Variants in NUP88 observed in about 807,000 individuals in gnomAD.
NUP88 encodes the protein nuclear pore complex protein Nup88.
NUP88 carries 57 observed loss-of-function variants against 93.9 expected under a neutral mutation model. The ratio of observed to expected loss-of-function variants is 0.61; its 90% CI spans 0.49 to 0.76. NUP88 has a LOEUF of 0.76. Among genes scored for constraint, NUP88 ranks in the 30% least tolerant of loss-of-function variants. The pLI is 0.00. For missense variants in NUP88, 911 were observed against 901.0 expected, an observed-to-expected ratio of 1.01 and a Z score of -0.14; for synonymous variants, 346 against 336.8, an observed-to-expected ratio of 1.03 and a Z score of -0.30.
Position 5,419,642 on chromosome 17 carries a change from G to A in NUP88, c.9C>T (p.Ala3=), listed in dbSNP as rs772937166. The A allele has an allele frequency of 5.7e-6, 9 of 1,589,068 alleles. No individual in the cohort carries two copies. The African/African-American group carries it at 9.4e-5, about 17-fold the overall frequency. MA[A]AEGPVGDGEL... The stretch of plus-strand genomic sequence containing the variant: ...CGCCGTCGCCCACCGGTCCCTCGGC[G>A]GCCGCCATCTTGGCCCAACTGCTCC... The change falls in exon 1 of 17, where the codon GCC becomes GCT. Residue 3 remains alanine (A), a synonymous_variant. Coordinates refer to ENST00000573584, the MANE Select transcript of NUP88 (RefSeq NM_002532.6).
intron 10 of NUP88, 136 bp downstream of exon 10, chr17:5,391,425 C>G: frequency 1.6e-6 from 1 of 644,668 alleles, no homozygotes; most frequent in South Asian, 1.9e-5. Flanking sequence ...AAATATCCAT[C>G]CTTCCAACCC....
chr17:5,407,182 A>G (rs1341495514), intron 5 of NUP88, among the ~76,000 whole-genome samples: 1 of 152,168 alleles, frequency 6.6e-6, no homozygotes, highest in Non-Finnish European at 1.5e-5. Flanking sequence ...TCATCTTTCT[A>G]ATCTTTATGG....
At chr17:5,395,009 AATG>A (rs1299892300) in intron 8 of NUP88, 28 bp from the exon 9 acceptor site, 1 of 1,323,798 alleles carries the variant, frequency 7.6e-7, no homozygotes, top group Admixed American at 1.7e-5. Flanking sequence ...ACATAAATGA[AATG>A]ATGCTTAGAC....
chr17:5,416,206 C>CACACACACAT (rs1914142017), intron 2 of NUP88, among the ~76,000 whole-genome samples: 6 of 144,702 alleles, frequency 4.1e-5, no homozygotes, highest in African/African-American at 1.5e-4. Context: ...CACACACACA[C>CACACACACAT]ATAAAATACT....
chr17:5,419,470 C>T lies in NUP88; in HGVS notation c.181G>A (p.Val61Ile), dbSNP rs1194850315. 2 of 1,614,088 alleles carry T rather than the reference C, an allele frequency of 1.2e-6. No homozygotes were observed. The highest frequency in any genetic ancestry group is 1.1e-5 in the South Asian group (1 of 91,086). ...PPPQLLTRNV[V>I]FGLGGELFLW... ...AAAAGCTCTCCGCCGAGGCCAAAGA[C>T]CACGTTTCTCGTCAGCAACTGCGGC... The change falls in exon 1 of 17, where the codon GTC (valine) becomes ATC (isoleucine). Residue 61 changes from valine (V) to isoleucine (I), a missense_variant. Transcript: ENST00000573584.
chr17:5,405,544 C>T (rs917985192), intron 5 of NUP88, among the ~76,000 whole-genome samples: 2 of 152,098 alleles, frequency 1.3e-5, no homozygotes, highest in East Asian at 1.9e-4. Flanking sequence ...AGACAGAAGC[C>T]GCTAAACATT....
chr17:5,417,173 T>C (rs1914201138), intron 1 of NUP88, among the ~76,000 whole-genome samples: 1 of 152,218 alleles, frequency 6.6e-6, no homozygotes, highest in Middle Eastern at 3.2e-3. Context: ...TTACAACTCA[T>C]GATAAGCTGC....
In NUP88 at chr17:5,386,193, GCTC is replaced by G; in HGVS notation, c.*10_*12del. On this transcript the variant is annotated 3_prime_UTR_variant, in exon 17 of 17. Transcript: ENST00000573584. ...TGGTGTTCAGTTCAGGTGTGAGTCA[GCTC>G]CTGGTGGTGTCAGAAGTTTACATGA... is the stretch of plus-strand genomic sequence containing the variant. The G allele has an allele frequency of 6.2e-7, 1 of 1,608,078 alleles. No individual in the cohort carries two copies.
chr17:5,414,143 A>G lies in NUP88; in HGVS notation c.468-9T>C. 4 of 1,609,972 alleles carry G rather than the reference A, an allele frequency of 2.5e-6. No individual in the cohort carries two copies. Among genetic ancestry groups the G allele is most frequent in the Non-Finnish European group, 2.5e-6 (3 of 1,178,054 alleles). On this transcript the variant is annotated splice_polypyrimidine_tract_variant and intron_variant, in intron 2 of 16. Coordinates refer to ENST00000573584, the MANE Select transcript of NUP88 (RefSeq NM_002532.6). ...CCGCAACTGGAGTGGTACTAAAATAAAGATAATAATTTTCCAAAACATTTT... is the reference window on the plus strand; with the variant it reads ...CCGCAACTGGAGTGGTACTAAAATAGAGATAATAATTTTCCAAAACATTTT...
intron 2 of NUP88, among the ~76,000 whole-genome samples, chr17:5,416,180 T>TATATATATATACACATAC (rs1374990658): frequency 3.7e-5 from 4 of 107,314 alleles, no homozygotes; most frequent in African/African-American, 1.4e-4. Flanking sequence ...TATATATATA[T>TATATATATATACACATAC]ACACACATAC....
rs962531933 is a variant in NUP88 at position 5,385,522 on chromosome 17, G to A, written c.*684C>T. 1 of 230,922 alleles carries A rather than the reference G, an allele frequency of 4.3e-6. No individual in the cohort carries two copies. Among genetic ancestry groups the A allele is most frequent in the Non-Finnish European group, 8.6e-6 (1 of 116,624 alleles). The allele number at this position is 230,922 out of a possible 1,614,324, so 14.3% of individuals were successfully genotyped here. On this transcript the variant is annotated 3_prime_UTR_variant, in exon 17 of 17. Coordinates refer to ENST00000573584, the MANE Select transcript of NUP88 (RefSeq NM_002532.6). ...CAAGTGTAAAAAGATGACTTAAGGTGAAGTGAGGACAAAATCACATTCTGC... is the reference window on the plus strand; with the variant it reads ...CAAGTGTAAAAAGATGACTTAAGGTAAAGTGAGGACAAAATCACATTCTGC...
rs563883514 is a variant in NUP88, at chr17:5,410,576, C to G, written c.680+127G>C. ...ACGAATCCCTGTTCTACTAAAAATA[C>G]ACTTACTTCTCACATTACCAAAAGC... On this transcript the variant is annotated intron_variant, in intron 4 of 16. Coordinates refer to ENST00000573584, the MANE Select transcript of NUP88 (RefSeq NM_002532.6). 5.0e-4 allele frequency: 318 copies of G among 641,354 alleles called. 6 individuals are homozygous for G. The South Asian group carries it at 5.9e-3, about 12-fold the overall frequency. 39.7% of individuals were successfully genotyped at this position (641,354 alleles called of 1,614,324 possible).
At chr17:5,407,802 C>G (rs1042223997) in intron 5 of NUP88, among the ~76,000 whole-genome samples, 1 of 152,134 alleles carries the variant, frequency 6.6e-6, no homozygotes, top group Non-Finnish European at 1.5e-5. Flanking sequence ...TCTTATTTAT[C>G]CTTCCTTTGT....
intron 1 of NUP88, among the ~76,000 whole-genome samples, chr17:5,418,701 T>C (rs772201995): frequency 6.6e-6 from 1 of 152,202 alleles, no homozygotes; most frequent in African/African-American, 2.4e-5. Context: ...ACAGATGTCA[T>C]ACCTTAGAAT....
chr17:5,408,598 A>T, intron 5 of NUP88, 135 bp downstream of exon 5: 1 of 626,962 alleles, frequency 1.6e-6, no homozygotes, highest in Non-Finnish European at 2.7e-6. Flanking sequence ...CTTTCTCAAA[A>T]ATATGCAAGC....
chr17:5,418,313 GC>G (rs1375072715), intron 1 of NUP88: 1 of 152,144 alleles, frequency 6.6e-6, no homozygotes, highest in Non-Finnish European at 1.5e-5. Flanking sequence ...TAGTGCAGGG[GC>G]GTGATCTCAG....
intron 7 of NUP88, among the ~76,000 whole-genome samples, chr17:5,403,274 G>A (rs1055788420): frequency 3.5e-4 from 53 of 152,096 alleles, no homozygotes; most frequent in Admixed American, 7.2e-4. Context: ...TCAGGAGTTC[G>A]ATACCAGCCT....
intron 14 of NUP88, 122 bp downstream of exon 14, chr17:5,387,264 C>T (rs2144758030): frequency 8.0e-7 from 1 of 1,247,040 alleles, no homozygotes; most frequent in Admixed American, 1.8e-5. Flanking sequence ...ACATATACTT[C>T]AGAGGAGAGG....
In NUP88 at chr17:5,399,651, C is replaced by A; in HGVS notation, c.1193-1G>T. 3 of 1,547,002 alleles carry A rather than the reference C, an allele frequency of 1.9e-6. No individual in the cohort carries two copies. The highest frequency in any genetic ancestry group is 2.7e-6 in the Non-Finnish European group (3 of 1,124,732). Reference sequence around the variant, plus strand: ...TGATATCTTGAAGGACACTTGGGATCTGCAAATGGAATGATTAATGATACA... The same window carrying A: ...TGATATCTTGAAGGACACTTGGGATATGCAAATGGAATGATTAATGATACA... On this transcript the variant is annotated splice_acceptor_variant, in intron 7 of 16. Coordinates refer to ENST00000573584, the MANE Select transcript of NUP88 (RefSeq NM_002532.6). LOFTEE classifies it high-confidence loss of function.
Sources: allele counts gnomAD v4.1 joint callset (sites outside exome capture counted in the v4.1 genomes callset), GRCh38; gene constraint gnomAD v4.1.1; transcripts MANE v1.5; gene names NCBI Gene and HGNC (gene_info 2026-07-23, HGNC 2026-07-21).